The following EYS variants were observed in gnomAD, a reference collection of about 807,000 sequenced individuals.
EYS encodes the protein EGF-like photoreceptor maintenance factor.
EYS carries 250 observed loss-of-function variants against 282.1 expected under a neutral mutation model. The ratio of observed to expected loss-of-function variants is 0.89; its 90% confidence interval spans 0.80 to 0.98. The LOEUF is 0.98. EYS is among the 50% of genes least tolerant of loss of function. The pLI is 0.00. For synonymous variants in EYS, 1,355 were observed against 1,282.9 expected, an observed-to-expected ratio of 1.06 and a Z score of -1.20; for missense variants, 4,016 against 3,709.0, an observed-to-expected ratio of 1.08 and a Z score of -2.15.
At chr6:64,603,097 G>C (rs184208799) in intron 24 of EYS, among the ~76,000 whole-genome samples, 4 of 152,144 alleles carry the variant, frequency 2.6e-5, no homozygotes, top group Non-Finnish European at 4.4e-5. Flanking sequence ...CCACAAGATA[G>C]TGCCTCCAGG....
At chr6:63,762,338 G>A in intron 41 of EYS, 123 bp downstream of exon 41, 1 of 872,442 alleles carries the variant, frequency 1.1e-6, no homozygotes, top group Non-Finnish European at 1.8e-6. Context: ...ACTAGAAAAA[G>A]AGGACAGTGG....
At chr6:65,650,011 T>C (rs886802540) in intron 1 of EYS, among the ~76,000 whole-genome samples, 1 of 152,170 alleles carries the variant, frequency 6.6e-6, no homozygotes, top group Non-Finnish European at 1.5e-5. Flanking sequence ...TTAAAATGGA[T>C]ATATTTTGCA....
At chr6:63,920,404 G>A (rs1480970234) in intron 35 of EYS, among the ~76,000 whole-genome samples, 1 of 152,068 alleles carries the variant, frequency 6.6e-6, no homozygotes, top group Non-Finnish European at 1.5e-5. Context: ...CCCTGCCCTG[G>A]GCCATGTTTT....
chr6:64,012,069 T>C (rs1768665753), intron 33 of EYS, among the ~76,000 whole-genome samples: 1 of 151,160 alleles, frequency 6.6e-6, no homozygotes, highest in Non-Finnish European at 1.5e-5. Context: ...TTTCCTTTCT[T>C]TCCTTTCATT....
intron 28 of EYS, among the ~76,000 whole-genome samples, chr6:64,410,169 A>G (rs1773841902): frequency 6.6e-6 from 1 of 152,140 alleles, no homozygotes; most frequent in Non-Finnish European, 1.5e-5. Flanking sequence ...GTGAATTAAC[A>G]CAACATTTTA....
intron 2 of EYS, among the ~76,000 whole-genome samples, chr6:65,593,361 T>G (rs1765297846): frequency 6.6e-6 from 1 of 152,034 alleles, no homozygotes; most frequent in Non-Finnish European, 1.5e-5. Context: ...CTATAATATT[T>G]TATTACTTCT....
At chr6:65,665,810 CTAAA>C (rs1389904015) in intron 1 of EYS, among the ~76,000 whole-genome samples, 1 of 151,964 alleles carries the variant, frequency 6.6e-6, no homozygotes, top group Non-Finnish European at 1.5e-5. Flanking sequence ...AAATAAATCT[CTAAA>C]TAAGATAAGT....
intron 13 of EYS, among the ~76,000 whole-genome samples, chr6:65,038,090 A>G (rs1216355417): frequency 6.6e-6 from 1 of 151,632 alleles, no homozygotes; most frequent in Non-Finnish European, 1.5e-5. Context: ...ATAATTAATA[A>G]TTAAACAAAT....
At chr6:64,255,828 T>C (rs903657481) in intron 30 of EYS, among the ~76,000 whole-genome samples, 9 of 152,070 alleles carry the variant, frequency 5.9e-5, no homozygotes, top group Admixed American at 3.3e-4. Flanking sequence ...TAGGCCACTT[T>C]GGTAGTCTAT....
intron 2 of EYS, among the ~76,000 whole-genome samples, chr6:65,518,228 C>A (rs766896027): frequency 1.2e-4 from 18 of 151,986 alleles, no homozygotes; most frequent in Non-Finnish European, 2.4e-4. Flanking sequence ...CTAGAGTAGA[C>A]TAAATTGAAA....
At chr6:64,918,281 G>A (rs541052425) in intron 15 of EYS, among the ~76,000 whole-genome samples, 1 of 152,114 alleles carries the variant, frequency 6.6e-6, no homozygotes, top group Non-Finnish European at 1.5e-5. Flanking sequence ...ATGTTAGTAT[G>A]TAAAAACATA....
chr6:64,994,836 C>T (rs1771192594), intron 14 of EYS, among the ~76,000 whole-genome samples: 1 of 151,952 alleles, frequency 6.6e-6, no homozygotes, highest in South Asian at 2.1e-4. Context: ...TTTATTCATA[C>T]ACAAAAAGGC....
chr6:63,742,465 A>G (rs1769100588), intron 41 of EYS, among the ~76,000 whole-genome samples: 1 of 152,166 alleles, frequency 6.6e-6, no homozygotes, highest in African/African-American at 2.4e-5. Context: ...ATGTCAGCTC[A>G]GCAGAAATTG....
At chr6:64,169,366 G>C (rs762843823) in intron 31 of EYS, among the ~76,000 whole-genome samples, 2 of 151,088 alleles carry the variant, frequency 1.3e-5, no homozygotes, top group African/African-American at 4.9e-5. Flanking sequence ...GGCTGAGATT[G>C]AGAGGGGCAT....
At chr6:64,971,021 T>C (rs1770275175) in intron 14 of EYS, among the ~76,000 whole-genome samples, 1 of 152,164 alleles carries the variant, frequency 6.6e-6, no homozygotes, top group Non-Finnish European at 1.5e-5. Context: ...AAGGAAGGCA[T>C]AACTATAGAC....
At chr6:64,467,440 G>A (rs1775960958) in intron 26 of EYS, among the ~76,000 whole-genome samples, 1 of 152,100 alleles carries the variant, frequency 6.6e-6, no homozygotes, top group Admixed American at 6.6e-5. Context: ...ACATCCTGAA[G>A]AAACTCTTGC....
intron 2 of EYS, among the ~76,000 whole-genome samples, chr6:65,574,553 T>C (rs572277052): frequency 2.0e-4 from 30 of 152,256 alleles, no homozygotes; most frequent in African/African-American, 7.2e-4. Flanking sequence ...TATATAATGA[T>C]AAATGTATTA....
At chr6:64,611,622 A>G (rs1466086177) in intron 24 of EYS, among the ~76,000 whole-genome samples, 5 of 152,158 alleles carry the variant, frequency 3.3e-5, no homozygotes, top group Non-Finnish European at 2.9e-5. Context: ...AATGGTGCTC[A>G]ACATATATTA....
chr6:64,094,641 C>G (rs939423173), intron 31 of EYS, among the ~76,000 whole-genome samples: 10 of 152,028 alleles, frequency 6.6e-5, no homozygotes, highest in African/African-American at 2.4e-4. Flanking sequence ...TTTGATTCTT[C>G]TCTATTTTCT....
Sources: gnomAD v4.1 joint callset for allele counts (sites outside exome capture counted in the v4.1 genomes callset) on GRCh38, gnomAD v4.1.1 for gene constraint, MANE v1.5 for transcripts, NCBI Gene and HGNC (gene_info 2026-07-23, HGNC 2026-07-21) for gene names.